FAM81A: variants seen among roughly 807,000 people sequenced by gnomAD.
The protein encoded by FAM81A is family with sequence similarity 81 member A, also known as protein FAM81A.
FAM81A carries 19 observed loss-of-function variants against 46.7 expected under a neutral mutation model. The ratio of observed to expected loss-of-function variants is 0.41; its 90% CI spans 0.28 to 0.60. The LOEUF (loss-of-function observed/expected upper bound fraction) is 0.60. FAM81A is among the 20% of genes least tolerant of loss of function. The pLI is 0.34. For synonymous variants in FAM81A, 183 were observed against 152.9 expected (o/e 1.20, Z -1.45); for missense variants, 377 against 453.5 (o/e 0.83, Z 1.53).
chr15:59,458,373 CT>C (rs1194094029), intron 1 of FAM81A, among the ~76,000 whole-genome samples, 176 bp from the exon 2 acceptor site: 1 of 151,922 alleles, frequency 6.6e-6, no homozygotes, highest in African/African-American at 2.4e-5. Context: ...GATTGCTTTT[CT>C]TCTTATTTGG....
At chr15:59,456,870 T>C (rs1467152459) in intron 1 of FAM81A, among the ~76,000 whole-genome samples, 2 of 152,356 alleles carry the variant, frequency 1.3e-5, no homozygotes, top group East Asian at 3.9e-4. Context: ...ATTACAGGCA[T>C]GAGCCACAAC....
chr15:59,454,284 CTG>C (rs2081455644), intron 1 of FAM81A, among the ~76,000 whole-genome samples: 3 of 152,232 alleles, frequency 2.0e-5, no homozygotes, highest in African/African-American at 2.4e-5. Context: ...GAAAAATTAA[CTG>C]TTTTTACATG....
Position 59,479,367 on chromosome 15 carries a change from C to T in FAM81A, c.295-12904C>T, listed in dbSNP as rs371098938. Among the ~76,000 whole-genome samples, 109 of 151,794 alleles carry T rather than the reference C, an allele frequency of 7.2e-4. 1 individual carries two copies. The South Asian group carries it at 0.018, about 25-fold the overall frequency. On this transcript the variant is annotated intron_variant, in intron 3 of 8. Transcript: ENST00000288228. ...CTCTACTAAAAATACAAAAATTAGC[C>T]GGGTGTGGTGGCACGTGCCTGTACT... is the stretch of plus-strand genomic sequence containing the variant.
At chr15:59,400,840 A>T (rs2081067172) in intron 1 of FAM81A, among the ~76,000 whole-genome samples, 1 of 152,138 alleles carries the variant, frequency 6.6e-6, no homozygotes, top group South Asian at 2.1e-4. Flanking sequence ...CTTTCTCTTA[A>T]TACACATGTT....
At chr15:59,413,417 A>ACACACACACACAC (rs2081130963) in intron 2 of FAM81A, among the ~76,000 whole-genome samples, 1 of 134,418 alleles carries the variant, frequency 7.4e-6, no homozygotes, top group Non-Finnish European at 1.6e-5. Flanking sequence ...GAGAGCATTA[A>ACACACACACACAC]ACACACACAC....
intron 4 of FAM81A, among the ~76,000 whole-genome samples, chr15:59,496,394 C>T (rs2082034066): frequency 6.6e-6 from 1 of 151,904 alleles, no homozygotes; most frequent in Non-Finnish European, 1.5e-5. Flanking sequence ...ATCAGGAGGT[C>T]AGGAGTTCAA....
chr15:59,421,869 C>CTCTATCTATGTA (rs2081174859), intron 2 of FAM81A, among the ~76,000 whole-genome samples: 1 of 146,974 alleles, frequency 6.8e-6, no homozygotes, highest in Admixed American at 6.9e-5. Flanking sequence ...ACCCTCAACC[C>CTCTATCTATGTA]TCTATCTATC....
chr15:59,485,145 C>T (rs2081902058), intron 3 of FAM81A, among the ~76,000 whole-genome samples: 1 of 152,200 alleles, frequency 6.6e-6, no homozygotes, highest in African/African-American at 2.4e-5. Context: ...TAGGCCCAGG[C>T]ACCTGGACAG....
chr15:59,515,087 A>C (rs1336357712), intron 7 of FAM81A, among the ~76,000 whole-genome samples: 1 of 152,032 alleles, frequency 6.6e-6, no homozygotes, highest in Non-Finnish European at 1.5e-5. Flanking sequence ...TCTACAAAAA[A>C]CACAAAAATT....
chr15:59,493,158 G>A (rs2081999023), intron 4 of FAM81A, among the ~76,000 whole-genome samples: 1 of 152,210 alleles, frequency 6.6e-6, no homozygotes, highest in Non-Finnish European at 1.5e-5. Context: ...GGCAATGAGG[G>A]TGGTCTGCAT....
intron 4 of FAM81A, among the ~76,000 whole-genome samples, chr15:59,495,413 T>C (rs75640831): frequency 0.073 from 11,075 of 152,308 alleles, 434 homozygotes; most frequent in African/African-American, 0.1. Flanking sequence ...TTTAAAAACC[T>C]GTTCATCAGT....
intron 2 of FAM81A, among the ~76,000 whole-genome samples, chr15:59,427,376 G>T (rs2081199447): frequency 6.6e-6 from 1 of 152,124 alleles, no homozygotes; most frequent in Non-Finnish European, 1.5e-5. Flanking sequence ...CTCCCAAAGT[G>T]CTGGGATTAC....
chr15:59,442,833 A>G (rs1193557948), intron 1 of FAM81A, among the ~76,000 whole-genome samples: 1 of 152,166 alleles, frequency 6.6e-6, no homozygotes, highest in African/African-American at 2.4e-5. Context: ...ACACATATGT[A>G]TACACACACA....
At chr15:59,430,768 A>G (rs1019806646) in intron 2 of FAM81A, among the ~76,000 whole-genome samples, 3 of 152,174 alleles carry the variant, frequency 2.0e-5, no homozygotes, top group Non-Finnish European at 4.4e-5. Flanking sequence ...GACGTTGAAA[A>G]CTACATGTAA....
intron 3 of FAM81A, among the ~76,000 whole-genome samples, chr15:59,466,301 A>G (rs182414638): frequency 6.6e-6 from 1 of 152,324 alleles, no homozygotes; most frequent in Admixed American, 6.5e-5. Context: ...ACAATGGTTA[A>G]ACTAATTTAC....
intron 8 of FAM81A, among the ~76,000 whole-genome samples, chr15:59,518,106 G>A (rs968764442): frequency 6.6e-6 from 1 of 150,598 alleles, no homozygotes; most frequent in Non-Finnish European, 1.5e-5. Context: ...CTGAGTAGCT[G>A]GGATTACAGG....
intron 6 of FAM81A, among the ~76,000 whole-genome samples, chr15:59,512,336 G>C (rs574373686): frequency 6.6e-6 from 1 of 151,916 alleles, no homozygotes; most frequent in African/African-American, 2.4e-5. Flanking sequence ...GCTGGGCATG[G>C]TGGTGCGCGC....
At chr15:59,410,151 G>T (rs920714575) in intron 2 of FAM81A, among the ~76,000 whole-genome samples, 19 of 152,008 alleles carry the variant, frequency 1.2e-4, no homozygotes, top group African/African-American at 4.6e-4. Flanking sequence ...ATACAAATTT[G>T]TCAGGCATGG....
chr15:59,436,985 T>C (rs2081247577), upstream of FAM81A, among the ~76,000 whole-genome samples: 2 of 152,214 alleles, frequency 1.3e-5, no homozygotes, highest in African/African-American at 4.8e-5. Flanking sequence ...GCATAGTTTC[T>C]AGCACTTGGC....
Sources: allele counts gnomAD v4.1 joint callset (sites outside exome capture counted in the v4.1 genomes callset), GRCh38; gene constraint gnomAD v4.1.1; transcripts MANE v1.5; gene names NCBI Gene and HGNC (gene_info 2026-07-23, HGNC 2026-07-21).